The following ZBTB20 variants were observed in gnomAD, a reference collection of about 807,000 sequenced individuals.
ZBTB20 encodes the protein zinc finger and BTB domain containing 20.
A neutral mutation model predicts 56.9 loss-of-function variants in ZBTB20; 9 were observed. The observed-to-expected ratio is 0.16, with a 90% CI of 0.10 to 0.28. The LOEUF (loss-of-function observed/expected upper bound fraction) is 0.28. ZBTB20 is among the 10% of genes least tolerant of loss of function. The pLI is 1.00. For synonymous variants in ZBTB20, 417 were observed against 420.7 expected (o/e 0.99, Z 0.11); for missense variants, 655 against 1,003.0 (o/e 0.65, Z 4.69).
intron 1 of ZBTB20, among the ~76,000 whole-genome samples, chr3:115,073,813 A>T (rs2082498953): frequency 7.9e-6 from 1 of 127,336 alleles, no homozygotes; most frequent in Non-Finnish European, 1.6e-5. Context: ...AAAATATTTT[A>T]AATTCAAACT....
intron 4 of ZBTB20, among the ~76,000 whole-genome samples, chr3:114,823,352 G>A (rs867503203): frequency 3.3e-5 from 5 of 152,170 alleles, no homozygotes; most frequent in Middle Eastern, 3.4e-3. Context: ...TAAAGGTCCT[G>A]ATTATGAAAA....
At chr3:114,610,401 C>T (rs1170912394) in intron 6 of ZBTB20, among the ~76,000 whole-genome samples, 4 of 152,142 alleles carry the variant, frequency 2.6e-5, no homozygotes, top group African/African-American at 9.7e-5. Context: ...CATTGCAGGC[C>T]GATAGGTCTC....
At chr3:115,013,775 G>A (rs947105733) in intron 2 of ZBTB20, among the ~76,000 whole-genome samples, 4 of 151,618 alleles carry the variant, frequency 2.6e-5, no homozygotes, top group African/African-American at 4.8e-5. Flanking sequence ...ACAAATGCTG[G>A]CAAGGACATG....
intron 6 of ZBTB20, among the ~76,000 whole-genome samples, chr3:114,636,521 C>T (rs566364860): frequency 1.3e-5 from 2 of 151,970 alleles, no homozygotes; most frequent in African/African-American, 2.4e-5. Context: ...AATTGTGACA[C>T]CAATAACATG....
intron 7 of ZBTB20, among the ~76,000 whole-genome samples, chr3:114,442,126 T>C (rs768100061): frequency 1.8e-4 from 27 of 152,022 alleles, no homozygotes; most frequent in Non-Finnish European, 3.1e-4. Context: ...AATGTCAGTT[T>C]CCCCCTTTTA....
intron 7 of ZBTB20, among the ~76,000 whole-genome samples, chr3:114,446,258 C>T (rs921916583): frequency 4.5e-4 from 69 of 152,220 alleles, no homozygotes; most frequent in African/African-American, 1.6e-3. Flanking sequence ...GGGTTTCAGA[C>T]TGAGAATGGA....
intron 6 of ZBTB20, among the ~76,000 whole-genome samples, chr3:114,604,686 T>TA (rs1162808746): frequency 6.6e-6 from 1 of 152,030 alleles, no homozygotes; most frequent in African/African-American, 2.4e-5. Context: ...TAAAAAAAAC[T>TA]TGGCAGTTTG....
intron 6 of ZBTB20, among the ~76,000 whole-genome samples, chr3:114,540,299 C>A (rs925124834): frequency 2.0e-5 from 3 of 151,876 alleles, no homozygotes. Flanking sequence ...AAAATCAACC[C>A]ATAATTTTTA....
At chr3:114,576,829 C>T (rs144838959) in intron 6 of ZBTB20, among the ~76,000 whole-genome samples, 1 of 151,170 alleles carries the variant, frequency 6.6e-6, no homozygotes, top group African/African-American at 2.4e-5. Flanking sequence ...TGAGAATAGA[C>T]CAAGCAAGCA....
At chr3:114,819,315 T>G (rs1245205963) in intron 4 of ZBTB20, among the ~76,000 whole-genome samples, 1 of 151,902 alleles carries the variant, frequency 6.6e-6, no homozygotes, top group Admixed American at 6.6e-5. Flanking sequence ...CCAACAAATA[T>G]TCCAATGAAA....
At chr3:115,046,307 T>G (rs907476293) in intron 2 of ZBTB20, among the ~76,000 whole-genome samples, 2 of 152,160 alleles carry the variant, frequency 1.3e-5, no homozygotes, top group African/African-American at 4.8e-5. Context: ...TAATCCATCT[T>G]TTGACAGCAC....
chr3:114,917,330 C>T (rs1050312676), intron 3 of ZBTB20, among the ~76,000 whole-genome samples: 5 of 152,102 alleles, frequency 3.3e-5, no homozygotes, highest in South Asian at 2.1e-4. Context: ...TAAAAGGTCA[C>T]GTTATCTCTG....
chr3:114,330,085 C>A lies in ZBTB20; in HGVS notation c.*8920G>T, dbSNP rs1191343585. The A allele has an allele frequency of 6.6e-6, 1 of 152,158 alleles. No homozygotes were observed. The allele number at this position is 152,158 out of a possible 1,614,324, so 9.4% of individuals were successfully genotyped here. A position where few individuals can be genotyped will look rare whatever the true frequency, so the allele number is the denominator to read the frequency against. Reference sequence around the variant, plus strand: ...GTTCTTCAGATATTGAGTGGGTCAGCTAAACAAGATCACTTTGAATATGAA... The same window carrying A: ...GTTCTTCAGATATTGAGTGGGTCAGATAAACAAGATCACTTTGAATATGAA... On this transcript the variant is annotated 3_prime_UTR_variant, in exon 12 of 12. Coordinates refer to ENST00000675478, the MANE Select transcript of ZBTB20 (RefSeq NM_001348800.3).
At chr3:114,639,309 A>G (rs1393053813) in intron 6 of ZBTB20, among the ~76,000 whole-genome samples, 1 of 152,040 alleles carries the variant, frequency 6.6e-6, no homozygotes, top group Non-Finnish European at 1.5e-5. Context: ...GAGGTGGGGA[A>G]AAAGACTCAG....
At chr3:114,409,579 C>T (rs545115898) in intron 7 of ZBTB20, among the ~76,000 whole-genome samples, 21 of 152,008 alleles carry the variant, frequency 1.4e-4, no homozygotes, top group African/African-American at 3.6e-4. Flanking sequence ...GCACTTCCCC[C>T]GTAGACAGTT....
At chr3:114,709,771 T>C (rs1424789644) in intron 5 of ZBTB20, among the ~76,000 whole-genome samples, 1 of 152,206 alleles carries the variant, frequency 6.6e-6, no homozygotes, top group Admixed American at 6.5e-5. Context: ...TCAAATCCCT[T>C]AGCTCTAGCC....
rs145263669 is a variant in ZBTB20, at chr3:114,370,678, G to A, written c.199+9539C>T. Among the ~76,000 whole-genome samples, 149 of 151,978 alleles carry A rather than the reference G, an allele frequency of 9.8e-4. 4 individuals carry two copies. The highest frequency in any genetic ancestry group is 7.8e-3 in the Admixed American group (119 of 15,270). On this transcript the variant is annotated intron_variant, in intron 10 of 11. Coordinates refer to ENST00000675478, the MANE Select transcript of ZBTB20 (RefSeq NM_001348800.3). ...CTTTGAAGTTTACTCCCATATTTAT[G>A]GCTTATAGTGCTCTTGGCCAAAGTG...
chr3:114,957,819 C>G (rs2077300724), intron 3 of ZBTB20, among the ~76,000 whole-genome samples: 1 of 152,156 alleles, frequency 6.6e-6, no homozygotes, highest in Non-Finnish European at 1.5e-5. Context: ...CCTTTTGTAT[C>G]TAGAGTTTGT....
At chr3:114,651,336 G>A (rs2060117841) in intron 6 of ZBTB20, among the ~76,000 whole-genome samples, 2 of 151,964 alleles carry the variant, frequency 1.3e-5, no homozygotes, top group African/African-American at 4.8e-5. Context: ...CAATAAAAAA[G>A]TGGTTTAGGT....
Sources: allele counts gnomAD v4.1 joint callset (sites outside exome capture counted in the v4.1 genomes callset), GRCh38; gene constraint gnomAD v4.1.1; transcripts MANE v1.5; gene names NCBI Gene and HGNC (gene_info 2026-07-23, HGNC 2026-07-21).